The following CLRN3 variants were observed in gnomAD, a reference collection of about 807,000 sequenced individuals.
CLRN3 encodes the protein clarin-3.
Under a neutral mutation model 16.7 loss-of-function variants are expected in CLRN3, and 12 were observed. The ratio of observed to expected loss-of-function variants is 0.72; its 90% confidence interval spans 0.46 to 1.16. CLRN3 has a LOEUF of 1.16. CLRN3 is among the 50% of genes most tolerant of loss of function. CLRN3 has a pLI of 0.00. For synonymous variants in CLRN3, 118 were observed against 113.0 expected (o/e 1.04, Z -0.28); for missense variants, 296 against 274.2 (o/e 1.08, Z -0.56).
intron 1 of CLRN3, among the ~76,000 whole-genome samples, chr10:127,888,430 C>T (rs1845221782): frequency 6.6e-6 from 1 of 152,194 alleles, no homozygotes; most frequent in African/African-American, 2.4e-5. Context: ...GGAGAATCTC[C>T]TTATGTGGAC....
At chr10:127,885,174 A>G (rs1301125921) in intron 1 of CLRN3, among the ~76,000 whole-genome samples, 1 of 152,112 alleles carries the variant, frequency 6.6e-6, no homozygotes, top group African/African-American at 2.4e-5. Context: ...CCACGGGTCG[A>G]AGGTCAAGGA....
At chr10:127,889,795 T>C (rs1845238448) in intron 1 of CLRN3, among the ~76,000 whole-genome samples, 1 of 152,228 alleles carries the variant, frequency 6.6e-6, no homozygotes. Context: ...TGTTTGCCAG[T>C]GTGAGGAAAC....
rs780545802 is a variant in CLRN3 at position 127,883,703 on chromosome 10, C to T, written c.402G>A (p.Gly134=). ...TCTCACAGGGCCACTCACCACCGAG[C>T]CCGTTCCAGGTGTACACCCCCGTCG... The part of the protein sequence containing the change: ...LGPTGVYTWN[G]LGASFVFVTM... Residue 134 remains glycine, a synonymous_variant, in exon 2 of 3, where the codon GGG becomes GGA. Transcript: ENST00000368671. 1.9e-4 allele frequency: 307 copies of T among 1,611,866 alleles called. No homozygotes were observed. The highest frequency in any genetic ancestry group is 2.4e-4 in the Non-Finnish European group (285 of 1,178,166).
intron 2 of CLRN3, among the ~76,000 whole-genome samples, chr10:127,882,470 T>C (rs1453482810): frequency 3.9e-5 from 6 of 152,228 alleles, no homozygotes; most frequent in Non-Finnish European, 7.3e-5. Flanking sequence ...TGATCTCACA[T>C]TGGGAGTTTG....
In CLRN3 at chr10:127,892,921, T is replaced by C; in HGVS notation, c.-137A>G. 1.6e-6 allele frequency: 1 copy of C among 622,312 alleles called. No homozygotes were observed. Among genetic ancestry groups the C allele is most frequent in the East Asian group, 2.7e-5 (1 of 36,710 alleles). 38.5% of individuals were successfully genotyped at this position (622,312 alleles called of 1,614,324 possible). On this transcript the variant is annotated 5_prime_UTR_variant, in exon 1 of 3. Coordinates refer to ENST00000368671, the MANE Select transcript of CLRN3 (RefSeq NM_152311.5). ...GTCAAATATAAAATCTCACTCTTCC[T>C]GAGGAAGGGTTATGCTAATGGACAT...
chr10:127,883,967 G>T, intron 1 of CLRN3, 92 bp from the exon 2 acceptor site: 1 of 1,204,956 alleles, frequency 8.3e-7, no homozygotes, highest in Non-Finnish European at 1.2e-6. Context: ...AGTGACTTGA[G>T]TTACTGGTTG....
chr10:127,878,557 G>A (rs2135075339), intron 2 of CLRN3, 137 bp from the exon 3 acceptor site: 1 of 1,257,496 alleles, frequency 8.0e-7, no homozygotes, highest in Non-Finnish European at 1.1e-6. Flanking sequence ...CTAGGGAGAA[G>A]GTACAAAATT....
At chr10:127,888,300 T>G (rs1845220576) in intron 1 of CLRN3, among the ~76,000 whole-genome samples, 1 of 152,164 alleles carries the variant, frequency 6.6e-6, no homozygotes, top group Non-Finnish European at 1.5e-5. Context: ...TCTCAGAAAG[T>G]TGCCAGGGTT....
Position 127,883,309 on chromosome 10 carries a change from C to T in CLRN3, c.409+387G>A, listed in dbSNP as rs577259345. Among the ~76,000 whole-genome samples, 128 of 152,012 alleles carry T rather than the reference C, an allele frequency of 8.4e-4. No individual in the cohort carries two copies. The South Asian group carries it at 0.011, about 13-fold the overall frequency. On this transcript the variant is annotated intron_variant, in intron 2 of 2. Coordinates refer to ENST00000368671, the MANE Select transcript of CLRN3 (RefSeq NM_152311.5). ...GTGTGTGCACATGTGTGTGTGCATG[C>T]GTGTGCATGTGTATGTGTGTGCACA...
chr10:127,889,786 G>C (rs1400557902), intron 1 of CLRN3, among the ~76,000 whole-genome samples: 1 of 152,212 alleles, frequency 6.6e-6, no homozygotes, highest in African/African-American at 2.4e-5. Flanking sequence ...ATTTTGTCAT[G>C]TTTGCCAGTG....
Position 127,892,807 on chromosome 10 carries a change from T to C in CLRN3, c.-23A>G, listed in dbSNP as rs3802693. ...CATTTTCACAGGAAAATAAGTTCTC[T>C]AGGACAAAAAAAGGAATATCTTCTT... On this transcript the variant is annotated 5_prime_UTR_variant, in exon 1 of 3. Transcript: ENST00000368671. The C allele has an allele frequency of 6.6e-5, 95 of 1,432,432 alleles. No individual in the cohort carries two copies. In the East Asian group the frequency reaches 2.1e-3, roughly 31 times the overall value. 88.7% of individuals were successfully genotyped at this position (1,432,432 alleles called of 1,614,324 possible).
Position 127,892,837 on chromosome 10 carries a change from C to T in CLRN3, c.-53G>A, listed in dbSNP as rs1845274844. ...CAAAAAAAGGAATATCTTCTTATAA[C>T]ACTTTTGAACCTTATCTTTTGAAGT... On this transcript the variant is annotated 5_prime_UTR_variant, in exon 1 of 3. Transcript: ENST00000368671. 3 of 1,021,672 alleles carry T rather than the reference C, an allele frequency of 2.9e-6. No homozygotes were observed. Among genetic ancestry groups the T allele is most frequent in the Non-Finnish European group, 4.5e-6 (3 of 660,386 alleles). The allele number at this position is 1,021,672 out of a possible 1,614,324, so 63.3% of individuals were successfully genotyped here. A position where few individuals can be genotyped will look rare whatever the true frequency, so the allele number is the denominator to read the frequency against.
chr10:127,882,260 C>T (rs980718452), intron 2 of CLRN3, among the ~76,000 whole-genome samples: 1 of 152,158 alleles, frequency 6.6e-6, no homozygotes, highest in Non-Finnish European at 1.5e-5. Flanking sequence ...ATAATAAAAG[C>T]ACAGAAAGAA....
chr10:127,880,341 T>A (rs1050807567), intron 2 of CLRN3, among the ~76,000 whole-genome samples: 4 of 152,004 alleles, frequency 2.6e-5, no homozygotes, highest in African/African-American at 4.8e-5. Context: ...TCCCCTTTAG[T>A]GATGAGATGC....
chr10:127,887,489 T>C (rs1292757182), intron 1 of CLRN3, among the ~76,000 whole-genome samples: 4 of 151,578 alleles, frequency 2.6e-5, no homozygotes, highest in African/African-American at 7.3e-5. Context: ...AAAGTGACAA[T>C]TGAATTTGGT....
At chr10:127,882,924 A>G (rs1845146287) in intron 2 of CLRN3, among the ~76,000 whole-genome samples, 1 of 152,206 alleles carries the variant, frequency 6.6e-6, no homozygotes, top group Non-Finnish European at 1.5e-5. Context: ...GGGCAGGGCA[A>G]ATAGGTACTT....
Position 127,892,667 on chromosome 10 carries a change from C to A in CLRN3, c.118G>T (p.Val40Phe), listed in dbSNP as rs780647822. ...CTCCCATTTGAAGCAGAGTCTCTAA[C>A]AGCAATTGTACTGGTGATCCATGCT... ...TQAWITSTIA[V>F]RDSASNGSIF... The change falls in exon 1 of 3, where the codon GTT becomes TTT. Residue 40 changes from valine to phenylalanine, a missense_variant. Coordinates refer to ENST00000368671, the MANE Select transcript of CLRN3 (RefSeq NM_152311.5). 1.2e-6 allele frequency: 2 copies of A among 1,611,750 alleles called. No homozygotes were observed. The highest frequency in any genetic ancestry group is 2.2e-5 in the South Asian group (2 of 91,014).
intron 1 of CLRN3, among the ~76,000 whole-genome samples, chr10:127,884,814 G>A (rs1845174847): frequency 6.6e-6 from 1 of 152,212 alleles, no homozygotes; most frequent in Non-Finnish European, 1.5e-5. Flanking sequence ...GCACTTACAT[G>A]TAAGCCCAGC....
At position 127,892,550 on chromosome 10, in the gene CLRN3, A is replaced by T. The variant is rs1332576335; in HGVS notation, c.229+6T>A. On this transcript the variant is annotated splice_donor_region_variant and intron_variant, in intron 1 of 2. Coordinates refer to ENST00000368671, the MANE Select transcript of CLRN3 (RefSeq NM_152311.5). ...CTATATTCATTCAAATTAGTTTATCATTTACCTGCAAACTTTTTCTTTGGT... is the reference window on the plus strand; with the variant it reads ...CTATATTCATTCAAATTAGTTTATCTTTTACCTGCAAACTTTTTCTTTGGT... The T allele has an allele frequency of 2.1e-6, 3 of 1,455,602 alleles. No individual in the cohort carries two copies. Among genetic ancestry groups the T allele is most frequent in the Non-Finnish European group, 2.9e-6 (3 of 1,034,704 alleles). 90.2% of individuals were successfully genotyped at this position (1,455,602 alleles called of 1,614,324 possible). A position where few individuals can be genotyped will look rare whatever the true frequency, so the allele number is the denominator to read the frequency against.
Sources: allele counts gnomAD v4.1 joint callset (sites outside exome capture counted in the v4.1 genomes callset), GRCh38; gene constraint gnomAD v4.1.1; transcripts MANE v1.5; gene names NCBI Gene and HGNC (gene_info 2026-07-23, HGNC 2026-07-21).